The following MEP1B variants were observed in gnomAD, a reference collection of about 807,000 sequenced individuals.
MEP1B encodes the protein N-benzoyl-L-tyrosyl-P-amino-benzoic acid hydrolase subunit beta.
MEP1B carries 80 observed loss-of-function variants against 84.6 expected under a neutral mutation model. The ratio of observed to expected loss-of-function variants is 0.95; its 90% CI spans 0.79 to 1.14. MEP1B has a LOEUF of 1.14. Among genes scored for constraint, MEP1B ranks in the 50% most tolerant of loss-of-function variants. MEP1B has a pLI of 0.00. For missense variants in MEP1B, 766 were observed against 855.1 expected (o/e 0.90, Z 1.30); for synonymous variants, 273 against 288.1 (o/e 0.95, Z 0.53).
In MEP1B at chr18:32,207,203, A is replaced by G; in HGVS notation, c.548-49A>G. 2 of 1,269,612 alleles carry G rather than the reference A, an allele frequency of 1.6e-6. 1 individual carries two copies. The highest frequency in any genetic ancestry group is 2.6e-5 in the South Asian group (2 of 77,928). 78.6% of individuals were successfully genotyped at this position (1,269,612 alleles called of 1,614,324 possible). A position where few individuals can be genotyped will look rare whatever the true frequency, so the allele number is the denominator to read the frequency against. ...AAGTGAGCAGTATTTGGAGTAAGATAAGCTGAATTTTGTGAACATCAAGTA... is the reference window on the plus strand; with the variant it reads ...AAGTGAGCAGTATTTGGAGTAAGATGAGCTGAATTTTGTGAACATCAAGTA... On this transcript the variant is annotated intron_variant, in intron 7 of 14. Transcript: ENST00000269202.
rs535528479 is a variant in MEP1B at position 32,216,885 on chromosome 18, G to T, written c.1760-106G>T. ...CTCACCTCTAAAAAAAAAAAAGAAA[G>T]AAAGAAAAAAGGAAAAAAGAAACAT... On this transcript the variant is annotated intron_variant, in intron 12 of 14. Coordinates refer to ENST00000269202, the MANE Select transcript of MEP1B (RefSeq NM_005925.3). 608 of 1,280,580 alleles carry T rather than the reference G, an allele frequency of 4.7e-4. 1 individual carries two copies. In the African/African-American group the frequency reaches 6.0e-3, roughly 13 times the overall value. 79.3% of individuals were successfully genotyped at this position (1,280,580 alleles called of 1,614,324 possible).
At chr18:32,214,414 T>C (rs1342637229) in intron 11 of MEP1B, among the ~76,000 whole-genome samples, 1 of 152,144 alleles carries the variant, frequency 6.6e-6, no homozygotes, top group Non-Finnish European at 1.5e-5. Context: ...CAAATCGACA[T>C]AGAAAAAAAT....
At chr18:32,201,946 A>T (rs896226115) in intron 5 of MEP1B, among the ~76,000 whole-genome samples, 12 of 152,218 alleles carry the variant, frequency 7.9e-5, no homozygotes, top group Admixed American at 7.9e-4. Flanking sequence ...GACAAATGCT[A>T]ATTTTACTTG....
intron 12 of MEP1B, among the ~76,000 whole-genome samples, chr18:32,216,070 C>T (rs2041087370): frequency 6.7e-6 from 1 of 150,090 alleles, no homozygotes; most frequent in Non-Finnish European, 1.5e-5. Context: ...AAATTTCTTA[C>T]ACCTGGCAGC....
At chr18:32,197,042 C>A in intron 5 of MEP1B, 1 of 167,348 alleles carries the variant, frequency 6.0e-6, no homozygotes, top group South Asian at 1.9e-4. Flanking sequence ...ATAAAATAAC[C>A]AACTAAATTT....
chr18:32,190,110 G>A lies in MEP1B; in HGVS notation c.40G>A (p.Ala14Thr). Residue 14 changes from alanine to threonine, a missense_variant, in exon 1 of 15, where the codon GCT (alanine) becomes ACT (threonine). Transcript: ENST00000269202. ...TCTGTCTTGGTTTCTGTTCTTGGAT[G>A]CTCTTCTCGTGATTTCTGGCTTGGT... Reference protein sequence around the residue: ...WNLSWFLFLDALLVISGLATP... With the variant: ...WNLSWFLFLDTLLVISGLATP... 1 of 1,613,368 alleles carries A rather than the reference G, an allele frequency of 6.2e-7. No homozygotes were observed. The highest frequency in any genetic ancestry group is 1.1e-5 in the South Asian group (1 of 90,972).
At position 32,196,154 on chromosome 18, in the gene MEP1B, T is replaced by A; in HGVS notation, c.250+669T>A. The stretch of plus-strand genomic sequence containing the variant: ...GCCTCATCCCTGTTTCTGCTGGCCT[T>A]CTGGAGCTGGTGTCACTGCGCCACC... On this transcript the variant is annotated intron_variant, in intron 5 of 14. Transcript: ENST00000269202. This position sits in a 1 kb window ranked among gnomAD's most constrained non-coding sequence, Gnocchi z 4.4. 1 of 590,252 alleles carries A rather than the reference T, an allele frequency of 1.7e-6. No individual in the cohort carries two copies. Among genetic ancestry groups the A allele is most frequent in the East Asian group, 3.3e-5 (1 of 30,246 alleles). 36.6% of individuals were successfully genotyped at this position (590,252 alleles called of 1,614,324 possible).
intron 11 of MEP1B, among the ~76,000 whole-genome samples, chr18:32,214,245 T>A (rs1172481178): frequency 6.6e-6 from 1 of 152,188 alleles, no homozygotes; most frequent in Non-Finnish European, 1.5e-5. Flanking sequence ...TCATTCCCCA[T>A]CTTTCCCATC....
intron 6 of MEP1B, among the ~76,000 whole-genome samples, chr18:32,203,901 C>T (rs762002309): frequency 3.4e-4 from 51 of 152,198 alleles, no homozygotes; most frequent in African/African-American, 3.6e-4. Context: ...CTCACTATCG[C>T]GAAGACAGCA....
chr18:32,201,022 A>G (rs1357214292), intron 5 of MEP1B, among the ~76,000 whole-genome samples: 1 of 152,196 alleles, frequency 6.6e-6, no homozygotes, highest in Non-Finnish European at 1.5e-5. Context: ...CCCTCAGTAA[A>G]TAAAGGCATA....
At position 32,196,214 on chromosome 18, in the gene MEP1B, G is replaced by C; in HGVS notation, c.250+729G>C. 1 of 678,470 alleles carries C rather than the reference G, an allele frequency of 1.5e-6. No individual in the cohort carries two copies. Among genetic ancestry groups the C allele is most frequent in the Non-Finnish European group, 2.8e-6 (1 of 360,492 alleles). The allele number at this position is 678,470 out of a possible 1,614,324, so 42.0% of individuals were successfully genotyped here. On this transcript the variant is annotated intron_variant, in intron 5 of 14. Coordinates refer to ENST00000269202, the MANE Select transcript of MEP1B (RefSeq NM_005925.3). The surrounding 1 kb of genome is among the most constrained non-coding windows in gnomAD (Gnocchi z 4.4). ...AGACTCTCCAAGTCTTTTTGGCTGAGAGGAATGAAGAGGATGCCATTGATG... is the reference window on the plus strand; with the variant it reads ...AGACTCTCCAAGTCTTTTTGGCTGACAGGAATGAAGAGGATGCCATTGATG...
intron 11 of MEP1B, among the ~76,000 whole-genome samples, chr18:32,214,725 A>G (rs147303559): frequency 1.3e-4 from 20 of 152,236 alleles, no homozygotes; most frequent in African/African-American, 4.1e-4. Context: ...TTGTAAAAGG[A>G]CTCTCTTAGT....
rs79766974 is a variant in MEP1B at position 32,217,872 on chromosome 18, G to T, written c.1998G>T (p.Leu666Phe). 2 of 1,613,890 alleles carry T rather than the reference G, an allele frequency of 1.2e-6. No individual in the cohort carries two copies. The highest frequency in any genetic ancestry group is 3.3e-5 in the Admixed American group (2 of 60,010). ...CATCTACTGTTGCTGTGTTTGCCTT[G>T]ATGCTGATCATCACCCTTGTCAGTG... ...AVSSTVAVFA[L>F]MLIITLVSVY... Residue 666 changes from leucine (L) to phenylalanine (F), a missense_variant, in exon 14 of 15, where the codon TTG (leucine) becomes TTT (phenylalanine). By Grantham distance (22) the Leu-to-Phe change is conservative. Transcript: ENST00000269202.
chr18:32,203,939 C>A (rs2040937927), intron 6 of MEP1B, among the ~76,000 whole-genome samples: 1 of 152,166 alleles, frequency 6.6e-6, no homozygotes, highest in Non-Finnish European at 1.5e-5. Context: ...CGTCCCATGA[C>A]TCAAATACCT....
intron 5 of MEP1B, among the ~76,000 whole-genome samples, chr18:32,199,186 C>T (rs1242199245): frequency 6.6e-6 from 1 of 152,182 alleles, no homozygotes; most frequent in East Asian, 1.9e-4. Context: ...ATGACCTGGT[C>T]ATTCAAGGTC....
rs553982727 is a variant in MEP1B, at chr18:32,217,922, G to A, written c.2048G>A (p.Arg683His). 61 of 1,613,870 alleles carry A rather than the reference G, an allele frequency of 3.8e-5. No individual in the cohort carries two copies. The highest frequency in any genetic ancestry group is 1.5e-4 in the African/African-American group (11 of 75,002). The change falls in exon 14 of 15, where the codon CGT becomes CAT. Residue 683 changes from arginine to histidine, a missense_variant. Arg to His is a conservative substitution (Grantham distance 29, BLOSUM62 0). Transcript: ENST00000269202. ...GTCTATTGCACCAGGAAGAAATATC[G>A]TGAAAGGATGAGCTCAAATCGACCA... ...VSVYCTRKKY[R>H]ERMSSNRPNL...
In MEP1B at chr18:32,217,861, G is replaced by C; in HGVS notation, c.1987G>C (p.Val663Leu). Reference sequence around the variant, plus strand: ...CATTGCTGTTTCATCTACTGTTGCTGTGTTTGCCTTGATGCTGATCATCAC... The same window carrying C: ...CATTGCTGTTTCATCTACTGTTGCTCTGTTTGCCTTGATGCTGATCATCAC... Reference protein sequence around the residue: ...IVIAVSSTVAVFALMLIITLV... With the variant: ...IVIAVSSTVALFALMLIITLV... The change falls in exon 14 of 15, where the codon GTG becomes CTG. Residue 663 changes from valine to leucine, a missense_variant. By Grantham distance (32) the Val-to-Leu change is conservative. Coordinates refer to ENST00000269202, the MANE Select transcript of MEP1B (RefSeq NM_005925.3). The C allele has an allele frequency of 6.2e-7, 1 of 1,613,898 alleles. No individual in the cohort carries two copies.
intron 4 of MEP1B, 120 bp from the exon 5 acceptor site, chr18:32,195,287 C>A: frequency 1.5e-6 from 1 of 645,848 alleles, no homozygotes; most frequent in South Asian, 1.9e-5. Flanking sequence ...CACACACACA[C>A]ACAATTTGTT....
In MEP1B at chr18:32,213,180, G is replaced by A. The variant is rs1367166765; in HGVS notation, c.1200G>A (p.Val400=). The A allele has an allele frequency of 6.2e-7, 1 of 1,613,994 alleles. No individual in the cohort carries two copies. The highest frequency in any genetic ancestry group is 1.1e-5 in the South Asian group (1 of 91,082). Reference sequence around the variant, plus strand: ...TGAAAGTGACCAAGAAGTTTAGAGTGGTGTTTGAAGGACGCAAAGGCTCTG... The same window carrying A: ...TGAAAGTGACCAAGAAGTTTAGAGTAGTGTTTGAAGGACGCAAAGGCTCTG... ...VTLKVTKKFR[V]VFEGRKGSGA... Residue 400 remains valine (V), a synonymous_variant, in exon 11 of 15, where the codon GTG becomes GTA. Coordinates refer to ENST00000269202, the MANE Select transcript of MEP1B (RefSeq NM_005925.3).
Sources: gnomAD v4.1 joint callset for allele counts (sites outside exome capture counted in the v4.1 genomes callset) on GRCh38, gnomAD v4.1.1 for gene constraint, Gnocchi (gnomAD v3.1) non-coding constraint, MANE v1.5 for transcripts, NCBI Gene and HGNC (gene_info 2026-07-23, HGNC 2026-07-21) for gene names.